The following KYNU variants were observed in gnomAD, a reference collection of about 807,000 sequenced individuals.
The protein encoded by KYNU is kynureninase, also known as L-kynurenine hydrolase.
Under a neutral mutation model 59.2 loss-of-function variants are expected in KYNU, and 54 were observed. The observed-to-expected ratio is 0.91, with a 90% CI of 0.73 to 1.14. KYNU has a LOEUF of 1.14. Ranked by LOEUF, KYNU falls within the 50% of genes most tolerant of loss-of-function variation. KYNU has a pLI of 0.00. For missense variants in KYNU, 567 were observed against 554.4 expected, an observed-to-expected ratio of 1.02 and a Z score of -0.23; for synonymous variants, 177 against 192.0, an observed-to-expected ratio of 0.92 and a Z score of 0.65.
intron 10 of KYNU, among the ~76,000 whole-genome samples, chr2:143,005,841 T>C (rs1055598994): frequency 6.6e-6 from 1 of 152,050 alleles, no homozygotes; most frequent in African/African-American, 2.4e-5. Flanking sequence ...CCAGTCTGAA[T>C]AGAAAAGGAT....
At chr2:143,007,277 C>A (rs1455247381) in intron 10 of KYNU, among the ~76,000 whole-genome samples, 1 of 149,170 alleles carries the variant, frequency 6.7e-6, no homozygotes, top group East Asian at 1.9e-4. Flanking sequence ...CCTCAGGAAC[C>A]GGTGCGATCA....
chr2:143,010,577 G>A (rs1421356666), intron 10 of KYNU, among the ~76,000 whole-genome samples: 1 of 137,918 alleles, frequency 7.3e-6, no homozygotes, highest in African/African-American at 2.9e-5. Flanking sequence ...AGTTCATATG[G>A]AACCAAAAAA....
chr2:142,905,542 A>G (rs1024814142), intron 2 of KYNU, among the ~76,000 whole-genome samples: 2 of 152,160 alleles, frequency 1.3e-5, no homozygotes, highest in African/African-American at 4.8e-5. Flanking sequence ...GGTTAAGGGA[A>G]TTTTCAGTGG....
chr2:143,040,653 G>A lies in KYNU; in HGVS notation c.1267G>A (p.Val423Met). The A allele has an allele frequency of 6.3e-7, 1 of 1,594,132 alleles. No homozygotes were observed. Among genetic ancestry groups the A allele is most frequent in the East Asian group, 2.2e-5 (1 of 44,588 alleles). ...TTTCCAAGAACTAGAAAAAAGAGGA[G>A]TGGTTGTAAGTATGTCTTGCTTTGC... ...DVFQELEKRG[V>M]VCDKRNPNGI... The change falls in exon 13 of 14, where the codon GTG (valine) becomes ATG (methionine). Residue 423 changes from valine (V) to methionine (M), a missense_variant. Coordinates refer to ENST00000264170, the MANE Select transcript of KYNU (RefSeq NM_003937.3).
chr2:142,963,599 A>G (rs371843444), intron 8 of KYNU, among the ~76,000 whole-genome samples: 2 of 152,200 alleles, frequency 1.3e-5, no homozygotes, highest in South Asian at 2.1e-4. Context: ...AATCATTTCC[A>G]AAGCCCTGAC....
intron 2 of KYNU, among the ~76,000 whole-genome samples, chr2:142,914,811 T>C (rs1682617899): frequency 6.6e-6 from 1 of 152,142 alleles, no homozygotes; most frequent in Non-Finnish European, 1.5e-5. Context: ...AGAGACCAGT[T>C]GTGGGGATAT....
intron 8 of KYNU, among the ~76,000 whole-genome samples, chr2:142,975,029 G>A (rs1017958335): frequency 3.3e-5 from 5 of 152,130 alleles, no homozygotes; most frequent in Non-Finnish European, 7.4e-5. Context: ...GGAAATACTG[G>A]TAGAAGAGGC....
intron 12 of KYNU, among the ~76,000 whole-genome samples, chr2:143,038,283 G>A (rs1314442717): frequency 6.6e-6 from 1 of 152,066 alleles, no homozygotes; most frequent in African/African-American, 2.4e-5. Flanking sequence ...GAGAATCTTG[G>A]AAAGATTCCT....
intron 10 of KYNU, among the ~76,000 whole-genome samples, chr2:142,999,585 C>T (rs972839564): frequency 1.3e-5 from 2 of 152,044 alleles, no homozygotes; most frequent in African/African-American, 4.8e-5. Flanking sequence ...GGGAAACAGG[C>T]TCTCTAATAT....
chr2:142,990,464 A>C (rs1198018902), intron 10 of KYNU, among the ~76,000 whole-genome samples: 1 of 151,864 alleles, frequency 6.6e-6, no homozygotes, highest in Non-Finnish European at 1.5e-5. Flanking sequence ...ATTCTTCTGT[A>C]AGAGCCCATA....
chr2:143,010,836 T>A (rs867565129), intron 10 of KYNU, among the ~76,000 whole-genome samples: 11,699 of 142,582 alleles, frequency 0.082, 790 homozygotes, highest in African/African-American at 0.16. Flanking sequence ...TAATAAATGG[T>A]GCTGGGAAAA....
At chr2:142,985,012 C>A in intron 8 of KYNU, 72 bp from the exon 9 acceptor site, 1 of 931,572 alleles carries the variant, frequency 1.1e-6, no homozygotes, top group Non-Finnish European at 1.8e-6. Context: ...CAAATGTTTT[C>A]TTAAAAATAT....
chr2:142,916,061 AAAG>A (rs1682659047), intron 2 of KYNU, among the ~76,000 whole-genome samples: 1 of 152,158 alleles, frequency 6.6e-6, no homozygotes, highest in Admixed American at 6.5e-5. Context: ...ACAGTGCTTG[AAAG>A]TAATCAACCT....
chr2:142,915,233 G>C (rs970486161), intron 2 of KYNU, among the ~76,000 whole-genome samples: 4 of 152,146 alleles, frequency 2.6e-5, no homozygotes, highest in African/African-American at 9.7e-5. Flanking sequence ...CAGGAAACTG[G>C]AGATTGGAGG....
chr2:142,906,995 T>C (rs1682319702), intron 2 of KYNU, among the ~76,000 whole-genome samples: 1 of 152,168 alleles, frequency 6.6e-6, no homozygotes, highest in Non-Finnish European at 1.5e-5. Context: ...GTGGCCATGC[T>C]AATCGTTTTT....
chr2:143,020,524 T>C (rs1277179393), intron 10 of KYNU, among the ~76,000 whole-genome samples: 2 of 152,166 alleles, frequency 1.3e-5, no homozygotes, highest in Admixed American at 6.5e-5. Flanking sequence ...TTAAAAGTTG[T>C]TGAGAATTGT....
intron 3 of KYNU, among the ~76,000 whole-genome samples, chr2:142,920,374 G>C (rs769021051): frequency 7.2e-5 from 11 of 152,212 alleles, no homozygotes; most frequent in African/African-American, 2.7e-4. Context: ...CAGATAATTA[G>C]ATTGAATGAA....
intron 4 of KYNU, among the ~76,000 whole-genome samples, 175 bp downstream of exon 4, chr2:142,927,916 G>T (rs1573800122): frequency 6.6e-6 from 1 of 152,146 alleles, no homozygotes. Context: ...CTCAAAGATT[G>T]CTATGGTGAG....
rs141597680 is a variant in KYNU, at chr2:142,885,437, C to T, written c.70C>T (p.Pro24Ser). 99 of 1,614,008 alleles carry T rather than the reference C, an allele frequency of 6.1e-5. No individual in the cohort carries two copies. The highest frequency in any genetic ancestry group is 8.1e-5 in the Non-Finnish European group (95 of 1,179,976). The change falls in exon 2 of 14, where the codon CCA becomes TCA. Residue 24 changes from proline (P) to serine (S), a missense_variant. By Grantham distance (74) the Pro-to-Ser change is moderately conservative. Transcript: ENST00000264170. ...QRIAAELKCH[P>S]TDERVALHLD... is the part of the protein sequence containing the mutation. ...CATTGCGGCTGAACTCAAATGCCACCCAACGGATGAGAGGGTGGCTCTCCA... is the reference window on the plus strand; with the variant it reads ...CATTGCGGCTGAACTCAAATGCCACTCAACGGATGAGAGGGTGGCTCTCCA...
Sources: gnomAD v4.1 joint callset for allele counts (sites outside exome capture counted in the v4.1 genomes callset) on GRCh38, gnomAD v4.1.1 for gene constraint, MANE v1.5 for transcripts, NCBI Gene and HGNC (gene_info 2026-07-23, HGNC 2026-07-21) for gene names.